The following TOPAZ1 variants were observed in gnomAD, a reference collection of about 807,000 sequenced individuals.
TOPAZ1 encodes protein TOPAZ1.
Under a neutral mutation model 172.2 loss-of-function variants are expected in TOPAZ1, and 66 were observed. The observed-to-expected ratio is 0.38, with a 90% CI of 0.31 to 0.47. The LOEUF (loss-of-function observed/expected upper bound fraction) is 0.47, where lower values mean the gene tolerates loss of function less well. Ranked by LOEUF, TOPAZ1 falls within the 20% of genes least tolerant of loss-of-function variation. TOPAZ1 has a pLI of 0.99. For synonymous variants in TOPAZ1, 681 were observed against 683.9 expected, an observed-to-expected ratio of 1.00 and a Z score of 0.07; for missense variants, 1,822 against 1,972.4, an observed-to-expected ratio of 0.92 and a Z score of 1.44.
intron 5 of TOPAZ1, among the ~76,000 whole-genome samples, chr3:44,264,548 G>A (rs1219028928): frequency 6.6e-6 from 1 of 152,178 alleles, no homozygotes; most frequent in Non-Finnish European, 1.5e-5. Flanking sequence ...GTTGAAGATT[G>A]GGGTGAAGGT....
chr3:44,266,769 A>G (rs902242780), intron 5 of TOPAZ1, among the ~76,000 whole-genome samples: 5 of 152,188 alleles, frequency 3.3e-5, no homozygotes, highest in African/African-American at 1.2e-4. Context: ...AAAATTTGAA[A>G]TATTGTGAGA....
At chr3:44,297,155 GT>G (rs1700208949) in intron 12 of TOPAZ1, among the ~76,000 whole-genome samples, 1 of 142,890 alleles carries the variant, frequency 7.0e-6, no homozygotes, top group African/African-American at 2.5e-5. Context: ...TGGACAACGA[GT>G]GAAAGTCTGT....
intron 12 of TOPAZ1, among the ~76,000 whole-genome samples, chr3:44,291,748 T>C (rs191116131): frequency 6.6e-6 from 1 of 151,142 alleles, no homozygotes; most frequent in East Asian, 1.9e-4. Context: ...ATATAAATTA[T>C]GTGTTTAAAT....
Position 44,247,398 on chromosome 3 carries a change from T to G in TOPAZ1, c.2765+2127T>G, listed in dbSNP as rs116557991. Among the ~76,000 whole-genome samples, 456 of 152,338 alleles carry G rather than the reference T, an allele frequency of 3.0e-3. 3 individuals are homozygous for G. The highest frequency in any genetic ancestry group is 0.01 in the African/African-American group (433 of 41,582). ...TAAAAGTTTGAGTTTTAGCTTCACT[T>G]ATAAAAATTGTTTTCTAACTTTAGA... is the stretch of plus-strand genomic sequence containing the variant. On this transcript the variant is annotated intron_variant, in intron 2 of 19. Coordinates refer to ENST00000309765, the MANE Select transcript of TOPAZ1 (RefSeq NM_001145030.2).
rs1408824302 is a variant in TOPAZ1, at chr3:44,244,306, A to G, written c.1800A>G (p.Glu600=). The G allele has an allele frequency of 5.2e-6, 8 of 1,550,894 alleles. No homozygotes were observed. Among genetic ancestry groups the G allele is most frequent in the Non-Finnish European group, 7.0e-6 (8 of 1,146,816 alleles). Reference sequence around the variant, plus strand: ...ATGATAAAAAGATAAAATCAGAGGAACTGAGCAGAAGAGGGTCAGAGGTAA... The same window carrying G: ...ATGATAAAAAGATAAAATCAGAGGAGCTGAGCAGAAGAGGGTCAGAGGTAA... ...IKDDKKIKSE[E]LSRRGSEVIS... is the part of the protein sequence containing the mutation. The change falls in exon 2 of 20, where the codon GAA becomes GAG. Residue 600 remains glutamate (E), a synonymous_variant. Coordinates refer to ENST00000309765, the MANE Select transcript of TOPAZ1 (RefSeq NM_001145030.2).
chr3:44,313,899 T>C (rs1700424379), intron 16 of TOPAZ1, among the ~76,000 whole-genome samples: 1 of 152,190 alleles, frequency 6.6e-6, no homozygotes, highest in African/African-American at 2.4e-5. Context: ...TCAGTTAGAT[T>C]GTAGTAATTA....
chr3:44,298,929 T>TTTTTTTTTTTTG (rs1559541961), intron 12 of TOPAZ1, among the ~76,000 whole-genome samples: 1 of 52,544 alleles, frequency 1.9e-5, no homozygotes, highest in African/African-American at 6.5e-5. Flanking sequence ...TTTTTTTTTT[T>TTTTTTTTTTTTG]TTTTTCCCCC....
intron 18 of TOPAZ1, among the ~76,000 whole-genome samples, chr3:44,327,993 C>T (rs1045413061): frequency 3.9e-5 from 6 of 152,198 alleles, no homozygotes; most frequent in Admixed American, 2.6e-4. Flanking sequence ...ATCCACCCGC[C>T]TCAGCCTCCC....
Position 44,244,006 on chromosome 3 carries a change from T to G in TOPAZ1, c.1500T>G (p.Ala500=). 1 of 1,552,210 alleles carries G rather than the reference T, an allele frequency of 6.4e-7. No individual in the cohort carries two copies. The highest frequency in any genetic ancestry group is 1.2e-5 in the South Asian group (1 of 84,032). ...GKRTWPYYSC[A]RISAWCWKKA... ...GAACTTGGCCCTATTATTCATGTGC[T>G]AGAATATCTGCCTGGTGTTGGAAAA... Residue 500 remains alanine (A), a synonymous_variant, in exon 2 of 20, where the codon GCT becomes GCG. Coordinates refer to ENST00000309765, the MANE Select transcript of TOPAZ1 (RefSeq NM_001145030.2).
chr3:44,297,821 AC>A, intron 12 of TOPAZ1, among the ~76,000 whole-genome samples: 1 of 152,302 alleles, frequency 6.6e-6, no homozygotes, highest in Non-Finnish European at 1.5e-5. Flanking sequence ...ACAAAAATCA[AC>A]CATATTTCTA....
At chr3:44,280,903 G>A (rs1170359581) in intron 8 of TOPAZ1, among the ~76,000 whole-genome samples, 1 of 152,130 alleles carries the variant, frequency 6.6e-6, no homozygotes, top group African/African-American at 2.4e-5. Flanking sequence ...ATGGCACCAG[G>A]GTGTTGTTAA....
chr3:44,329,705 C>T (rs907217735), intron 19 of TOPAZ1, among the ~76,000 whole-genome samples: 1 of 152,158 alleles, frequency 6.6e-6, no homozygotes, highest in South Asian at 2.1e-4. Context: ...GCATCATTTC[C>T]TCTTGCTCCT....
chr3:44,284,677 A>G (rs1700058930), intron 9 of TOPAZ1, among the ~76,000 whole-genome samples: 1 of 152,154 alleles, frequency 6.6e-6, no homozygotes, highest in Non-Finnish European at 1.5e-5. Context: ...TTTATATTTG[A>G]ATTTCCACAT....
intron 4 of TOPAZ1, among the ~76,000 whole-genome samples, chr3:44,257,353 GTGT>G (rs1448523531): frequency 2.2e-4 from 4 of 18,042 alleles, no homozygotes; most frequent in African/African-American, 1.0e-3. Flanking sequence ...AAACATAGGG[GTGT>G]GTGTGTGTGT....
intron 7 of TOPAZ1, 47 bp downstream of exon 7, chr3:44,269,348 C>A: frequency 9.1e-7 from 1 of 1,098,446 alleles, no homozygotes; most frequent in Non-Finnish European, 1.4e-6. Context: ...TTTCTCCTCC[C>A]CCTCCTCCTC....
intron 9 of TOPAZ1, among the ~76,000 whole-genome samples, chr3:44,285,366 T>C (rs2125692210): frequency 6.6e-6 from 1 of 152,040 alleles, no homozygotes; most frequent in South Asian, 2.1e-4. Context: ...CTTGGGAGGC[T>C]GAGGTGGGAA....
At chr3:44,301,069 C>T (rs1700267296) in intron 12 of TOPAZ1, among the ~76,000 whole-genome samples, 1 of 152,030 alleles carries the variant, frequency 6.6e-6, no homozygotes, top group South Asian at 2.1e-4. Flanking sequence ...ATGTAATATT[C>T]CCGAGATAAC....
intron 3 of TOPAZ1, among the ~76,000 whole-genome samples, chr3:44,255,668 TATACACAC>T (rs1481327839): frequency 1.6e-4 from 5 of 30,312 alleles, no homozygotes; most frequent in African/African-American, 4.4e-4. Flanking sequence ...AAAAAATATA[TATACACAC>T]ACACACACAC....
chr3:44,308,278 T>G (rs1185290549), intron 15 of TOPAZ1, among the ~76,000 whole-genome samples: 3 of 48,696 alleles, frequency 6.2e-5, no homozygotes, highest in South Asian at 8.5e-4. Context: ...CCCTCCCCCC[T>G]CCCCCAACCC....
Sources: allele counts gnomAD v4.1 joint callset (sites outside exome capture counted in the v4.1 genomes callset), GRCh38; gene constraint gnomAD v4.1.1; transcripts MANE v1.5; gene names NCBI Gene and HGNC (gene_info 2026-07-23, HGNC 2026-07-21).